Variants in ROBO4 observed in about 807,000 individuals in gnomAD.
ROBO4 encodes roundabout homolog 4.
In ROBO4, 80 loss-of-function variants were observed where a neutral mutation model predicts 103.3. The ratio of observed to expected loss-of-function variants is 0.77; its 90% CI spans 0.65 to 0.93. The LOEUF (loss-of-function observed/expected upper bound fraction) is 0.93, where lower values mean the gene tolerates loss of function less well. ROBO4 is among the 40% of genes least tolerant of loss of function. The pLI is 0.00. For synonymous variants in ROBO4, 504 were observed against 529.7 expected (o/e 0.95, Z 0.67); for missense variants, 1,333 against 1,305.3 (o/e 1.02, Z -0.33).
intron 6 of ROBO4, 37 bp from the exon 7 acceptor site, chr11:124,895,230 G>A (rs1946864563): frequency 3.3e-6 from 5 of 1,504,644 alleles, no homozygotes; most frequent in Non-Finnish European, 4.6e-6. Flanking sequence ...GGGGCTCTGA[G>A]GGAGAGGACT....
intron 12 of ROBO4, among the ~76,000 whole-genome samples, chr11:124,890,928 C>G (rs898981649): frequency 6.6e-6 from 1 of 152,238 alleles, no homozygotes; most frequent in Non-Finnish European, 1.5e-5. Context: ...CTAGTCAACA[C>G]TTTCGTTAGA....
At chr11:124,892,900 C>T (rs976201581) in intron 10 of ROBO4, 1 of 152,592 alleles carries the variant, frequency 6.6e-6, no homozygotes, top group African/African-American at 2.4e-5. Flanking sequence ...CAAAACACAA[C>T]ACCAGCCAGC....
rs749882823 is a variant in ROBO4 at position 124,896,306 on chromosome 11, A to AC, written c.570dup (p.Ser191ValfsTer11). On this transcript the variant is annotated frameshift_variant, in exon 4 of 18. Coordinates refer to ENST00000306534, the MANE Select transcript of ROBO4 (RefSeq NM_019055.6). LOFTEE classifies it high-confidence loss of function. ...TTCTCTGCTCTTGCCATCAGCAGGG[A>AC]CCCCCCGGACACCTGTCAGGGCCAG... The AC allele has an allele frequency of 2.6e-5, 42 of 1,612,368 alleles. No individual in the cohort carries two copies. Among genetic ancestry groups the AC allele is most frequent in the South Asian group, 7.7e-5 (7 of 90,962 alleles).
rs118157723 is a variant in ROBO4, at chr11:124,893,089, G to A, written c.1547+599C>T. 8.8e-3 allele frequency: 1,372 copies of A among 155,650 alleles called. 9 individuals carry two copies. The highest frequency in any genetic ancestry group is 0.013 in the Middle Eastern group (4 of 302). 9.6% of individuals were successfully genotyped at this position (155,650 alleles called of 1,614,324 possible). On this transcript the variant is annotated intron_variant, in intron 10 of 17. Coordinates refer to ENST00000306534, the MANE Select transcript of ROBO4 (RefSeq NM_019055.6). ...AAGAAGGCAGACAGAGAGATGAGGC[G>A]GTTACTTAGTACAAAACTCAGACAA...
rs1946811748 is a variant in ROBO4 at position 124,892,241 on chromosome 11, G to T, written c.1548-439C>A. On this transcript the variant is annotated intron_variant, in intron 10 of 17. Transcript: ENST00000306534. ...TCCACACTCAAGACTGATGGTCTGG[G>T]TTTATATGAGGAAATGTGAGATCAC... The T allele has an allele frequency of 5.6e-5, 20 of 354,508 alleles. 1 individual carries two copies. The highest frequency in any genetic ancestry group is 1.0e-3 in the Middle Eastern group (1 of 970). 22.0% of individuals were successfully genotyped at this position (354,508 alleles called of 1,614,324 possible).
chr11:124,887,225 G>T lies in ROBO4; in HGVS notation c.2199-12C>A. On this transcript the variant is annotated splice_polypyrimidine_tract_variant and intron_variant, in intron 14 of 17. Transcript: ENST00000306534. The stretch of plus-strand genomic sequence containing the variant: ...GTGCCACCGGAGGCCTGATTTGCGG[G>T]AGAGAGTGATGGCACCGTAGTTACT... The T allele has an allele frequency of 1.3e-6, 2 of 1,586,498 alleles. No individual in the cohort carries two copies. Among genetic ancestry groups the T allele is most frequent in the South Asian group, 1.2e-5 (1 of 86,226 alleles).
At position 124,886,713 on chromosome 11, in the gene ROBO4, C is replaced by A. The variant is rs571822410; in HGVS notation, c.2545G>T (p.Val849Leu). The A allele has an allele frequency of 1.2e-6, 2 of 1,606,554 alleles. No individual in the cohort carries two copies. Among genetic ancestry groups the A allele is most frequent in the South Asian group, 2.2e-5 (2 of 90,364 alleles). ...FTDMGRTGGG[V>L]GPKGGVLLCP... ...AGCAAGACTCCCCCCTTGGGCCCCACCCCTCCTCCAGTCCTGCCCATGTCC... is the reference window on the plus strand; with the variant it reads ...AGCAAGACTCCCCCCTTGGGCCCCAACCCTCCTCCAGTCCTGCCCATGTCC... The change falls in exon 16 of 18, where the codon GTG becomes TTG. Residue 849 changes from valine to leucine, a missense_variant. By Grantham distance (32) the Val-to-Leu change is conservative. Coordinates refer to ENST00000306534, the MANE Select transcript of ROBO4 (RefSeq NM_019055.6).
At chr11:124,892,081 A>T (rs943292093) in intron 10 of ROBO4, 18 of 637,562 alleles carry the variant, frequency 2.8e-5, no homozygotes, top group Non-Finnish European at 4.9e-5. Context: ...TAAAAAGAAG[A>T]CCTGAAGACA....
intron 10 of ROBO4, chr11:124,892,139 A>T: frequency 4.0e-6 from 2 of 505,584 alleles, no homozygotes; most frequent in South Asian, 3.2e-5. Context: ...TTGGGTAAGT[A>T]CATCTGTTGC....
In ROBO4 at chr11:124,887,160, A is replaced by T. The variant is rs1282302015; in HGVS notation, c.2252T>A (p.Ile751Asn). The T allele has an allele frequency of 6.2e-7, 1 of 1,607,286 alleles. No individual in the cohort carries two copies. Among genetic ancestry groups the T allele is most frequent in the African/African-American group, 1.3e-5 (1 of 74,786 alleles). The change falls in exon 15 of 18, where the codon ATC (isoleucine) becomes AAC (asparagine). Residue 751 changes from isoleucine (I) to asparagine (N), a missense_variant. Physicochemically the swap from Ile to Asn is moderately radical, Grantham distance 149. Transcript: ENST00000306534. ...PSSILLPAAPIPILSPCSPPS... is the reference protein window; with the variant it reads ...PSSILLPAAPNPILSPCSPPS... ...GGGACTGCAGGGGCTAAGGATGGGG[A>T]TGGGGGCTGCTGGCAGCAGGATGGA...
chr11:124,889,802 A>T (rs539696257), intron 12 of ROBO4, among the ~76,000 whole-genome samples: 1 of 152,142 alleles, frequency 6.6e-6, no homozygotes, highest in South Asian at 2.1e-4. Flanking sequence ...AGTAGAATCA[A>T]CTCCATGGGT....
Position 124,895,766 on chromosome 11 carries a change from C to A in ROBO4, c.807+19G>T, listed in dbSNP as rs772749141. The A allele has an allele frequency of 4.3e-6, 7 of 1,613,954 alleles. No homozygotes were observed. The highest frequency in any genetic ancestry group is 3.4e-6 in the Non-Finnish European group (4 of 1,180,042). ...CTTGAGCTCTGGATCGGCTTTTACC[C>A]TTAGCACCTGGTCCTCACCTTCCAG... On this transcript the variant is annotated intron_variant, in intron 5 of 17. Coordinates refer to ENST00000306534, the MANE Select transcript of ROBO4 (RefSeq NM_019055.6).
chr11:124,884,669 T>G lies in ROBO4; in HGVS notation c.*222A>C. On this transcript the variant is annotated 3_prime_UTR_variant, in exon 18 of 18. Coordinates refer to ENST00000306534, the MANE Select transcript of ROBO4 (RefSeq NM_019055.6). ...GAGAAAGCAGTGGCTAGGAGTCAGG[T>G]GGAGATGATGTTTTGCTCCCTGAGG... is the stretch of plus-strand genomic sequence containing the variant. The G allele has an allele frequency of 1.7e-6, 1 of 605,622 alleles. No homozygotes were observed. The highest frequency in any genetic ancestry group is 1.9e-5 in the African/African-American group (1 of 53,946). 37.5% of individuals were successfully genotyped at this position (605,622 alleles called of 1,614,324 possible). A position where few individuals can be genotyped will look rare whatever the true frequency, so the allele number is the denominator to read the frequency against.
intron 8 of ROBO4, 23 bp from the exon 9 acceptor site, chr11:124,894,068 A>C: frequency 6.5e-7 from 1 of 1,539,602 alleles, no homozygotes; most frequent in Non-Finnish European, 8.8e-7. Flanking sequence ...CAGAGCTCAG[A>C]GGGAGAGGGA....
In ROBO4 at chr11:124,895,515, G is replaced by A; in HGVS notation, c.978C>T (p.Ser326=). The A allele has an allele frequency of 6.2e-7, 1 of 1,611,844 alleles. No individual in the cohort carries two copies. Among genetic ancestry groups the A allele is most frequent in the Non-Finnish European group, 8.5e-7 (1 of 1,180,016 alleles). The change falls in exon 6 of 18, where the codon TCC becomes TCT. Residue 326 remains serine, a synonymous_variant. Transcript: ENST00000306534. ...TGTCAGGGCCTCGAGCCCGGCCAGAGGATGGTCTCACTTTGAACTCGTAGT... is the reference window on the plus strand; with the variant it reads ...TGTCAGGGCCTCGAGCCCGGCCAGAAGATGGTCTCACTTTGAACTCGTAGT... ...GQDYEFKVRP[S]SGRARGPDSN... is the part of the protein sequence containing the mutation.
chr11:124,893,575 T>A, intron 10 of ROBO4, 113 bp downstream of exon 10: 1 of 917,234 alleles, frequency 1.1e-6, no homozygotes, highest in East Asian at 2.4e-5. Context: ...GAGATTCATG[T>A]ACGACAGTCC....
At position 124,884,557 on chromosome 11, in the gene ROBO4, C is replaced by T. The variant is rs1361460731; in HGVS notation, c.*334G>A. 2.5e-5 allele frequency: 10 copies of T among 408,002 alleles called. No individual in the cohort carries two copies. The highest frequency in any genetic ancestry group is 2.0e-4 in the African/African-American group (10 of 50,000). The allele number at this position is 408,002 out of a possible 1,614,324, so 25.3% of individuals were successfully genotyped here. On this transcript the variant is annotated 3_prime_UTR_variant, in exon 18 of 18. Transcript: ENST00000306534. ...AAGGCACCTCTGGCTCCTCCACTTC[C>T]TGTGATCCAAATGGTGGGGGAAGAG...
At position 124,884,923 on chromosome 11, in the gene ROBO4, A is replaced by G; in HGVS notation, c.3002-10T>C. ...TAATCTACAGGAGAAGCTGAAGGAC[A>G]GTGGAGTTATCTCCCTTGCTCCTTA... On this transcript the variant is annotated splice_polypyrimidine_tract_variant and intron_variant, in intron 17 of 17. Transcript: ENST00000306534. The G allele has an allele frequency of 6.2e-7, 1 of 1,614,202 alleles. No homozygotes were observed. The highest frequency in any genetic ancestry group is 1.1e-5 in the South Asian group (1 of 91,086).
At position 124,895,876 on chromosome 11, in the gene ROBO4, G is replaced by T. The variant is rs768013462; in HGVS notation, c.716C>A (p.Ala239Asp). The change falls in exon 5 of 18, where the codon GCT becomes GAT. Residue 239 changes from alanine (A) to aspartate (D), a missense_variant. Transcript: ENST00000306534. The stretch of plus-strand genomic sequence containing the variant: ...CACATTTTCCAGCTGAATTCGCACA[G>T]CCAGAAGCTCCACAGGCTCCGTGTA... Reference protein sequence around the residue: ...QDYTEPVELLAVRIQLENVTL... With the variant: ...QDYTEPVELLDVRIQLENVTL... The T allele has an allele frequency of 2.5e-6, 4 of 1,614,064 alleles. No homozygotes were observed. In the South Asian group the frequency reaches 4.4e-5, roughly 18 times the overall value.
Sources: allele counts gnomAD v4.1 joint callset (sites outside exome capture counted in the v4.1 genomes callset), GRCh38; gene constraint gnomAD v4.1.1; transcripts MANE v1.5; gene names NCBI Gene and HGNC (gene_info 2026-07-23, HGNC 2026-07-21).